The following GBF1 variants were observed in gnomAD, a reference collection of about 807,000 sequenced individuals.
GBF1 encodes the protein Golgi-specific brefeldin A-resistance guanine nucleotide exchange factor 1.
GBF1 carries 114 observed loss-of-function variants against 210.5 expected under a neutral mutation model. The ratio of observed to expected loss-of-function variants is 0.54; its 90% CI spans 0.47 to 0.63. The LOEUF is 0.63. Among genes scored for constraint, GBF1 ranks in the 30% least tolerant of loss-of-function variants. The probability of loss-of-function intolerance (pLI) is 0.00; values close to 1 mark genes in which losing one functional copy is unlikely to be tolerated. For missense variants in GBF1, 1,851 were observed against 2,357.7 expected (o/e 0.79, Z 4.45); for synonymous variants, 850 against 889.2 (o/e 0.96, Z 0.78).
chr10:102,231,469 A>G, the GBF1 span: 1 of 650,796 alleles, frequency 1.5e-6, no homozygotes, highest in South Asian at 1.9e-5. Flanking sequence ...GCCGGGAGCC[A>G]GGGTCCGGGG....
At chr10:102,308,434 A>G (rs919344438) in intron 3 of GBF1, among the ~76,000 whole-genome samples, 1 of 152,184 alleles carries the variant, frequency 6.6e-6, no homozygotes, top group African/African-American at 2.4e-5. Flanking sequence ...ACGTATGTTT[A>G]TTGCGGCACT....
chr10:102,351,882 C>A lies in GBF1; in HGVS notation c.454C>A (p.Leu152Ile). The A allele has an allele frequency of 6.2e-7, 1 of 1,611,810 alleles. No homozygotes were observed. The highest frequency in any genetic ancestry group is 8.5e-7 in the Non-Finnish European group (1 of 1,177,916). ...GCTGCTAACCCCAGTGGGTGCCCAC[C>A]TAACCAATGAATCTGTGTGTGAGAT... The part of the protein sequence containing the change: ...TLLLTPVGAH[L>I]TNESVCEIMQ... The change falls in exon 6 of 40, where the codon CTA (leucine) becomes ATA (isoleucine). Residue 152 changes from leucine (L) to isoleucine (I), a missense_variant. This residue lies in a region of GBF1 where 804 missense variants were observed against 958.6 expected (regional missense o/e 0.84). Coordinates refer to ENST00000369983, the MANE Select transcript of GBF1 (RefSeq NM_001377137.1).
At chr10:102,230,900 T>C in the GBF1 span, 1 of 1,611,660 alleles carries the variant, frequency 6.2e-7, no homozygotes, top group South Asian at 1.1e-5. Context: ...TTGACCGAGT[T>C]GAAGGCGAAT....
At chr10:102,271,109 C>T (rs891649659) in intron 3 of GBF1, among the ~76,000 whole-genome samples, 13 of 152,130 alleles carry the variant, frequency 8.5e-5, no homozygotes, top group Non-Finnish European at 1.8e-4. Flanking sequence ...GCTATCTCAG[C>T]TCACTGCAAG....
intron 1 of GBF1, among the ~76,000 whole-genome samples, chr10:102,246,944 C>T (rs1273732417): frequency 6.6e-6 from 1 of 152,206 alleles, no homozygotes; most frequent in Non-Finnish European, 1.5e-5. Context: ...CATGTATGTG[C>T]AGTGGCCTAG....
At chr10:102,328,096 C>T (rs561819674) in intron 3 of GBF1, among the ~76,000 whole-genome samples, 1 of 152,342 alleles carries the variant, frequency 6.6e-6, no homozygotes, top group South Asian at 2.1e-4. Flanking sequence ...CTAGCTCCAT[C>T]TATTTTTGAC....
chr10:102,361,504 G>C (rs1021558481), intron 13 of GBF1, among the ~76,000 whole-genome samples: 3 of 152,192 alleles, frequency 2.0e-5, no homozygotes, highest in African/African-American at 7.2e-5. Context: ...AACTTGTCTG[G>C]GACCAGGTAT....
chr10:102,306,172 C>G (rs2077850473), intron 3 of GBF1, among the ~76,000 whole-genome samples: 1 of 152,194 alleles, frequency 6.6e-6, no homozygotes. Context: ...ACCTCAGCTG[C>G]ACTACTCAAA....
intron 28 of GBF1, 55 bp from the exon 29 acceptor site, chr10:102,370,652 G>C: frequency 6.4e-7 from 1 of 1,570,046 alleles, no homozygotes; most frequent in Non-Finnish European, 8.8e-7. Context: ...TAGGGGACCT[G>C]TTGCCCAGTG....
In GBF1 at chr10:102,376,583, C is replaced by G. The variant is rs768651356; in HGVS notation, c.4071C>G (p.Asn1357Lys). The G allele has an allele frequency of 1.9e-6, 3 of 1,614,070 alleles. No homozygotes were observed. Among genetic ancestry groups the G allele is most frequent in the Non-Finnish European group, 2.5e-6 (3 of 1,179,954 alleles). ...WLVVGKDDVDNSKPGPSRPGP... is the reference protein window; with the variant it reads ...WLVVGKDDVDKSKPGPSRPGP... Reference sequence around the variant, plus strand: ...AGGTTGGGAAGGATGACGTTGATAACTCCAAGCCAGGGCCCAGCCGCCCAG... The same window carrying G: ...AGGTTGGGAAGGATGACGTTGATAAGTCCAAGCCAGGGCCCAGCCGCCCAG... Residue 1357 changes from asparagine (N) to lysine (K), a missense_variant, in exon 32 of 40, where the codon AAC becomes AAG. By Grantham distance (94) the Asn-to-Lys change is moderately conservative. Transcript: ENST00000369983.
chr10:102,381,695 C>T (rs1403042498), intron 39 of GBF1, among the ~76,000 whole-genome samples: 2 of 151,794 alleles, frequency 1.3e-5, no homozygotes, highest in Non-Finnish European at 2.9e-5. Context: ...CGTGGTAGTG[C>T]ACACCTATAA....
Position 102,380,320 on chromosome 10 carries a change from C to T in GBF1, c.4950C>T (p.Asp1650=). ...TFAALWLTIL[D]FMDKYMHAGS... ...CGGCCCTCTGGCTCACCATCTTGGA[C>T]TTCATGGACAAGTACATGCACGCAG... The change falls in exon 37 of 40, where the codon GAC becomes GAT. Residue 1650 remains aspartate, a synonymous_variant. Transcript: ENST00000369983. The T allele has an allele frequency of 6.2e-7, 1 of 1,613,914 alleles. No homozygotes were observed. Among genetic ancestry groups the T allele is most frequent in the Non-Finnish European group, 8.5e-7 (1 of 1,179,886 alleles).
intron 1 of GBF1, among the ~76,000 whole-genome samples, chr10:102,251,893 G>T (rs2071585925): frequency 6.6e-6 from 1 of 152,160 alleles, no homozygotes. Context: ...TGCTGTGGGT[G>T]GCCGGGCATG....
At chr10:102,243,384 A>G (rs1234188961), upstream of GBF1, among the ~76,000 whole-genome samples, 1 of 152,210 alleles carries the variant, frequency 6.6e-6, no homozygotes, top group African/African-American at 2.4e-5. Flanking sequence ...TAGAATCTCA[A>G]TAAATGTCAC....
intron 3 of GBF1, among the ~76,000 whole-genome samples, chr10:102,301,188 T>C (rs565780168): frequency 2.6e-5 from 4 of 152,100 alleles, no homozygotes; most frequent in African/African-American, 9.7e-5. Context: ...TGACTCTTAA[T>C]GAGCATGCTG....
At chr10:102,351,154 G>A in intron 4 of GBF1, 102 bp from the exon 5 acceptor site, 2 of 690,182 alleles carry the variant, frequency 2.9e-6, no homozygotes, top group South Asian at 1.7e-5. Flanking sequence ...ACGGGTTAGG[G>A]AACTGAAGAG....
At chr10:102,230,879 G>C in the GBF1 span, 1 of 1,609,188 alleles carries the variant, frequency 6.2e-7, no homozygotes, top group Non-Finnish European at 8.5e-7. Context: ...TGCGAAGCCA[G>C]AGGCCCCACG....
At chr10:102,249,692 CT>C (rs200423046) in intron 1 of GBF1, among the ~76,000 whole-genome samples, 347 of 142,022 alleles carry the variant, frequency 2.4e-3, no homozygotes, top group Middle Eastern at 3.7e-3. Flanking sequence ...GTTTCTCTGG[CT>C]TTTTTTTTTT....
intron 29 of GBF1, among the ~76,000 whole-genome samples, chr10:102,374,147 C>T (rs999317795): frequency 2.0e-5 from 3 of 152,012 alleles, no homozygotes; most frequent in East Asian, 3.9e-4. Flanking sequence ...GTCAGGAGTT[C>T]GAGACCAGCC....
Sources: allele counts gnomAD v4.1 joint callset (sites outside exome capture counted in the v4.1 genomes callset), GRCh38; gene constraint gnomAD v4.1.1; regional missense constraint gnomAD v4.1.1; transcripts MANE v1.5; gene names NCBI Gene and HGNC (gene_info 2026-07-23, HGNC 2026-07-21).